Variants in CCDC150 observed in about 807,000 individuals in gnomAD.
The protein encoded by CCDC150 is coiled-coil domain containing 150.
Under a neutral mutation model 156.5 loss-of-function variants are expected in CCDC150, and 151 were observed. The ratio of observed to expected loss-of-function variants is 0.97; its 90% CI spans 0.85 to 1.10. CCDC150 has a LOEUF of 1.10. Among genes scored for constraint, CCDC150 ranks in the 50% least tolerant of loss-of-function variants. The pLI is 0.00. For synonymous variants in CCDC150, 452 were observed against 429.4 expected, an observed-to-expected ratio of 1.05 and a Z score of -0.65; for missense variants, 1,312 against 1,268.1, an observed-to-expected ratio of 1.03 and a Z score of -0.53.
At chr2:196,650,582 CA>C (rs574050493) in intron 2 of CCDC150, among the ~76,000 whole-genome samples, 2 of 152,242 alleles carry the variant, frequency 1.3e-5, no homozygotes, top group South Asian at 4.1e-4. Context: ...TCAATAAAGA[CA>C]GGGTTTCACC....
At chr2:196,716,047 A>C (rs111688777) in intron 17 of CCDC150, among the ~76,000 whole-genome samples, 6 of 152,334 alleles carry the variant, frequency 3.9e-5, no homozygotes, top group African/African-American at 1.2e-4. Flanking sequence ...GAATAGGCAA[A>C]AATTTAAACA....
rs1432681491 is a variant in CCDC150, at chr2:196,720,516, G to T, written c.2166-59G>T. On this transcript the variant is annotated intron_variant, in intron 19 of 27. Transcript: ENST00000389175. ...GAAAAGTGTTCTGTAACTCCCAAAT[G>T]GTATCATTCCTACACGATTCTTTTC... 5 of 1,379,682 alleles carry T rather than the reference G, an allele frequency of 3.6e-6. No individual in the cohort carries two copies. The South Asian group carries it at 4.9e-5, about 14-fold the overall frequency. The allele number at this position is 1,379,682 out of a possible 1,614,324, so 85.5% of individuals were successfully genotyped here. A position where few individuals can be genotyped will look rare whatever the true frequency, so the allele number is the denominator to read the frequency against.
chr2:196,731,220 G>A (rs1426658626), intron 26 of CCDC150, among the ~76,000 whole-genome samples: 2 of 152,098 alleles, frequency 1.3e-5, no homozygotes, highest in Admixed American at 1.3e-4. Context: ...AGACCAGCAT[G>A]TGTGTGGATT....
intron 21 of CCDC150, among the ~76,000 whole-genome samples, chr2:196,722,325 G>A (rs1246414058): frequency 6.6e-6 from 1 of 152,090 alleles, no homozygotes; most frequent in Non-Finnish European, 1.5e-5. Context: ...GCCCAGGCTG[G>A]AGTTCAGTGG....
chr2:196,658,733 T>C (rs559121992), intron 4 of CCDC150, 59 bp from the exon 5 acceptor site: 2 of 1,285,314 alleles, frequency 1.6e-6, no homozygotes, highest in Admixed American at 4.0e-5. Flanking sequence ...GATATACCTA[T>C]AGACAATTTC....
At chr2:196,714,668 C>T (rs971369855) in intron 17 of CCDC150, among the ~76,000 whole-genome samples, 97 of 152,126 alleles carry the variant, frequency 6.4e-4, no homozygotes, top group African/African-American at 2.1e-3. Context: ...GGTGTTTTTC[C>T]TTGATCCAGC....
At chr2:196,700,960 G>A (rs1240903753) in intron 14 of CCDC150, 149 bp from the exon 15 acceptor site, 5 of 599,902 alleles carry the variant, frequency 8.3e-6, no homozygotes, top group African/African-American at 1.9e-5. Context: ...CAACTATGTA[G>A]GAAAAGACTA....
Position 196,732,620 on chromosome 2 carries a change from A to G in CCDC150, c.*58A>G. ...CTACACTCCATGATTCCAAGAGCCC[A>G]GCAGCCGGGGCTGGCCTGTTTCTAG... On this transcript the variant is annotated 3_prime_UTR_variant, in exon 28 of 28. Transcript: ENST00000389175. 2 of 1,177,784 alleles carry G rather than the reference A, an allele frequency of 1.7e-6. No individual in the cohort carries two copies. Among genetic ancestry groups the G allele is most frequent in the Non-Finnish European group, 1.3e-6 (1 of 786,620 alleles). 73.0% of individuals were successfully genotyped at this position (1,177,784 alleles called of 1,614,324 possible).
At chr2:196,701,645 C>G (rs1324639968) in intron 15 of CCDC150, among the ~76,000 whole-genome samples, 1 of 152,122 alleles carries the variant, frequency 6.6e-6, no homozygotes, top group Non-Finnish European at 1.5e-5. Context: ...TAAACTAACT[C>G]CAATGGAAAC....
chr2:196,693,406 A>G (rs1490766280), intron 13 of CCDC150, among the ~76,000 whole-genome samples: 1 of 152,232 alleles, frequency 6.6e-6, no homozygotes, highest in Middle Eastern at 3.2e-3. Context: ...AAAGAATTTC[A>G]TAGTATTAGT....
intron 13 of CCDC150, among the ~76,000 whole-genome samples, chr2:196,677,661 G>A (rs1339437983): frequency 1.3e-5 from 2 of 152,196 alleles, no homozygotes; most frequent in African/African-American, 4.8e-5. Context: ...GCCTGTGAGA[G>A]GCAAAGAGAT....
chr2:196,669,148 A>G (rs1000082844), intron 7 of CCDC150, among the ~76,000 whole-genome samples: 1 of 152,178 alleles, frequency 6.6e-6, no homozygotes, highest in African/African-American at 2.4e-5. Flanking sequence ...TTTTCTGTAC[A>G]AAATCATCCT....
chr2:196,708,825 AAT>A (rs779996165), intron 15 of CCDC150, among the ~76,000 whole-genome samples: 47 of 152,302 alleles, frequency 3.1e-4, no homozygotes, highest in Non-Finnish European at 4.7e-4. Context: ...AAGAATGTTG[AAT>A]ATTGGCCCCC....
intron 13 of CCDC150, among the ~76,000 whole-genome samples, chr2:196,681,795 C>T (rs1020839817): frequency 6.6e-6 from 1 of 152,022 alleles, no homozygotes; most frequent in Non-Finnish European, 1.5e-5. Context: ...GATCCTTTGT[C>T]TATTTTTAAA....
intron 13 of CCDC150, among the ~76,000 whole-genome samples, chr2:196,690,071 T>C (rs1695361050): frequency 6.6e-6 from 1 of 152,144 alleles, no homozygotes; most frequent in Non-Finnish European, 1.5e-5. Flanking sequence ...TCATGTCCTT[T>C]GTAGGGACAT....
rs555353851 is a variant in CCDC150, at chr2:196,728,558, GTT to G, written c.2557-627_2557-626del. On this transcript the variant is annotated intron_variant, in intron 22 of 27. Transcript: ENST00000389175. ...AAATTATTTAAGTAACTACTATGCA[GTT>G]TTTTTTTCACGAGAGAAGTTTATTA... Among the ~76,000 whole-genome samples the G allele has an allele frequency of 4.8e-3, 733 of 151,136 alleles. 4 individuals carry two copies. Among genetic ancestry groups the G allele is most frequent in the African/African-American group, 0.017 (692 of 41,190 alleles).
At position 196,725,978 on chromosome 2, in the gene CCDC150, G is replaced by T. The variant is rs375523206; in HGVS notation, c.2435G>T (p.Arg812Leu). ...ACCTCTCTTCTTCAAAACAGAGACC[G>T]GATGACTGAAGAGTCCAAAGTGGAA... ...ERQNLETFKD[R>L]MTEESKVEAE... Residue 812 changes from arginine (R) to leucine (L), a missense_variant, in exon 22 of 28, where the codon CGG becomes CTG. Transcript: ENST00000389175. 6.3e-7 allele frequency: 1 copy of T among 1,594,920 alleles called. No homozygotes were observed. Among genetic ancestry groups the T allele is most frequent in the Non-Finnish European group, 8.5e-7 (1 of 1,170,194 alleles).
chr2:196,656,724 A>G lies in CCDC150; in HGVS notation c.268A>G (p.Thr90Ala), dbSNP rs780122546. The G allele has an allele frequency of 1.9e-6, 3 of 1,613,716 alleles. No homozygotes were observed. Among genetic ancestry groups the G allele is most frequent in the Non-Finnish European group, 2.5e-6 (3 of 1,179,794 alleles). Residue 90 changes from threonine (T) to alanine (A), a missense_variant, in exon 3 of 28, where the codon ACA (threonine) becomes GCA (alanine). Transcript: ENST00000389175. ...AAATGAAGCAATTTGTGCAGGAAAA[A>G]CAGATATTTTATGGAAGAACTGTGA... The part of the protein sequence containing the change: ...IQNEAICAGK[T>A]DILWKNCEFL...
intron 13 of CCDC150, among the ~76,000 whole-genome samples, chr2:196,692,419 C>A (rs1695545426): frequency 6.6e-6 from 1 of 152,086 alleles, no homozygotes; most frequent in Non-Finnish European, 1.5e-5. Context: ...CAGGCGTGAG[C>A]CACCGCGCCC....
Sources: gnomAD v4.1 joint callset for allele counts (sites outside exome capture counted in the v4.1 genomes callset) on GRCh38, gnomAD v4.1.1 for gene constraint, MANE v1.5 for transcripts, NCBI Gene and HGNC (gene_info 2026-07-23, HGNC 2026-07-21) for gene names.